The following CYP4X1 variants were observed in gnomAD, a reference collection of about 807,000 sequenced individuals.
CYP4X1 encodes the protein cytochrome P450 family 4 subfamily X member 1, also known as cytochrome P450 4X1.
In CYP4X1, 44 loss-of-function variants were observed where a neutral mutation model predicts 57.9. The ratio of observed to expected loss-of-function variants is 0.76; its 90% CI spans 0.60 to 0.98. CYP4X1 has a LOEUF of 0.98. Among genes scored for constraint, CYP4X1 ranks in the 50% least tolerant of loss-of-function variants. The pLI, the probability that CYP4X1 is intolerant of heterozygous loss-of-function variation, is 0.00. For missense variants in CYP4X1, 532 were observed against 623.9 expected (o/e 0.85, Z 1.57); for synonymous variants, 227 against 228.6 (o/e 0.99, Z 0.06).
the CYP4X1 span, among the ~76,000 whole-genome samples, chr1:46,990,981 C>T: frequency 3.8e-3 from 578 of 151,034 alleles, 2 homozygotes; most frequent in Non-Finnish European, 6.2e-3. Flanking sequence ...CAAACCACCA[C>T]GGCACATGTA....
the CYP4X1 span, among the ~76,000 whole-genome samples, chr1:46,992,980 G>A: frequency 3.3e-5 from 5 of 151,972 alleles, no homozygotes; most frequent in Non-Finnish European, 5.9e-5. Flanking sequence ...TGTGCACAAC[G>A]TGCAGGTTAG....
chr1:47,042,095 G>C (rs183711668), intron 8 of CYP4X1, among the ~76,000 whole-genome samples: 2 of 151,992 alleles, frequency 1.3e-5, no homozygotes, highest in African/African-American at 2.4e-5. Flanking sequence ...TAAATGTGTG[G>C]GTGTATTTCT....
the CYP4X1 span, among the ~76,000 whole-genome samples, chr1:47,016,381 G>C: frequency 2.8e-5 from 4 of 144,794 alleles, no homozygotes; most frequent in Admixed American, 7.0e-5. Context: ...TTGCTCTGTT[G>C]CCCAGGCTGC....
the CYP4X1 span, among the ~76,000 whole-genome samples, chr1:46,996,187 C>T: frequency 6.6e-6 from 1 of 152,178 alleles, no homozygotes; most frequent in Non-Finnish European, 1.5e-5. Flanking sequence ...CATATAGAAA[C>T]TAAGGCATGA....
the CYP4X1 span, among the ~76,000 whole-genome samples, chr1:47,015,794 G>A: frequency 1.3e-5 from 2 of 151,952 alleles, no homozygotes; most frequent in South Asian, 2.1e-4. Context: ...TCTGTACCTC[G>A]CCCCTTCTGG....
chr1:47,022,272 C>T (rs1644005243), upstream of CYP4X1, among the ~76,000 whole-genome samples: 1 of 148,970 alleles, frequency 6.7e-6, no homozygotes, highest in South Asian at 2.1e-4. Context: ...GTCACCACCC[C>T]TGGGGCCTGT....
intron 3 of CYP4X1, among the ~76,000 whole-genome samples, chr1:47,032,493 A>G (rs1569622790): frequency 6.6e-6 from 1 of 152,230 alleles, no homozygotes; most frequent in South Asian, 2.1e-4. Flanking sequence ...CCACCATTGT[A>G]TGAGTGACAG....
the CYP4X1 span, chr1:46,961,490 C>T: frequency 9.8e-6 from 11 of 1,125,460 alleles, 1 homozygote; most frequent in African/African-American, 1.6e-4. Context: ...GCTTCCAGAA[C>T]ATTTGAGCCC....
chr1:47,053,614 C>T (rs189501112), downstream of CYP4X1, among the ~76,000 whole-genome samples: 748 of 152,338 alleles, frequency 4.9e-3, 4 homozygotes, highest in African/African-American at 0.017. Context: ...GCCATTCTAA[C>T]TGGTATGAGA....
At chr1:46,969,245 C>CGTG in the CYP4X1 span, among the ~76,000 whole-genome samples, 2 of 152,168 alleles carry the variant, frequency 1.3e-5, no homozygotes, top group Non-Finnish European at 2.9e-5. Context: ...TCGCCTTTGC[C>CGTG]GTGAGTGAAA....
chr1:46,993,174 C>T, the CYP4X1 span, among the ~76,000 whole-genome samples: 1 of 147,530 alleles, frequency 6.8e-6, no homozygotes, highest in Non-Finnish European at 1.5e-5. Context: ...TGAGTGAGAA[C>T]ATGCGGTGTT....
chr1:47,036,370 T>TATATATATATATATATATATA (rs1553152516), intron 6 of CYP4X1, among the ~76,000 whole-genome samples, 199 bp downstream of exon 6: 1,373 of 129,636 alleles, frequency 0.011, 31 homozygotes, highest in East Asian at 0.039. Context: ...ATCAGAATTT[T>TATATATATATATATATATATA]TATATATATA....
At chr1:47,040,788 C>G (rs899697642) in intron 8 of CYP4X1, among the ~76,000 whole-genome samples, 1 of 152,068 alleles carries the variant, frequency 6.6e-6, no homozygotes, top group Non-Finnish European at 1.5e-5. Context: ...TCATACTTAT[C>G]ATTTTTTTGT....
the CYP4X1 span, among the ~76,000 whole-genome samples, chr1:46,973,007 T>C: frequency 6.6e-6 from 1 of 152,070 alleles, no homozygotes; most frequent in Non-Finnish European, 1.5e-5. Flanking sequence ...CTTGTTTGGT[T>C]CTGATTCTCA....
At chr1:47,032,364 A>T (rs953394993) in intron 3 of CYP4X1, among the ~76,000 whole-genome samples, 1 of 152,180 alleles carries the variant, frequency 6.6e-6, no homozygotes, top group Non-Finnish European at 1.5e-5. Context: ...ATCTTGGGGA[A>T]GTCATTTAAT....
the CYP4X1 span, among the ~76,000 whole-genome samples, chr1:47,000,004 G>A: frequency 1.3e-5 from 2 of 152,002 alleles, no homozygotes; most frequent in Non-Finnish European, 1.5e-5. Flanking sequence ...GAGAGGGGCC[G>A]GGGTGGAATG....
chr1:46,984,452 T>A, the CYP4X1 span, among the ~76,000 whole-genome samples: 6 of 146,828 alleles, frequency 4.1e-5, no homozygotes, highest in East Asian at 1.0e-3. Context: ...GTCCTGCAGC[T>A]CCCTGGGAGA....
At chr1:47,035,133 A>AAAT (rs1257861298) in intron 4 of CYP4X1, among the ~76,000 whole-genome samples, 1 of 151,532 alleles carries the variant, frequency 6.6e-6, no homozygotes, top group African/African-American at 2.4e-5. Context: ...CTGAACTTTT[A>AAAT]AAATTTCAAT....
the CYP4X1 span, among the ~76,000 whole-genome samples, chr1:46,984,554 A>G: frequency 2.6e-5 from 4 of 152,046 alleles, no homozygotes; most frequent in Admixed American, 2.6e-4. Context: ...CAGCCCACAG[A>G]AGGCAAGCTG....
Sources: gnomAD v4.1 joint callset for allele counts (sites outside exome capture counted in the v4.1 genomes callset) on GRCh38, gnomAD v4.1.1 for gene constraint, MANE v1.5 for transcripts, NCBI Gene and HGNC (gene_info 2026-07-23, HGNC 2026-07-21) for gene names.